A2ML1: variants seen among roughly 807,000 people sequenced by gnomAD.
A2ML1 encodes alpha-2-macroglobulin-like protein 1.
A2ML1 carries 161 observed loss-of-function variants against 181.9 expected under a neutral mutation model. The ratio of observed to expected loss-of-function variants is 0.89; its 90% confidence interval spans 0.78 to 1.01. The LOEUF (loss-of-function observed/expected upper bound fraction) is 1.01. Ranked by LOEUF, A2ML1 falls within the 50% of genes least tolerant of loss-of-function variation. The pLI, the probability that A2ML1 is intolerant of heterozygous loss-of-function variation, is 0.00. For synonymous variants in A2ML1, 663 were observed against 666.8 expected, an observed-to-expected ratio of 0.99 and a Z score of 0.09; for missense variants, 1,670 against 1,768.1, an observed-to-expected ratio of 0.94 and a Z score of 1.00.
Position 8,867,855 on chromosome 12 carries a change from C to G in A2ML1, c.3731C>G (p.Ala1244Gly). The G allele has an allele frequency of 6.2e-7, 1 of 1,614,182 alleles. No individual in the cohort carries two copies. The highest frequency in any genetic ancestry group is 8.5e-7 in the Non-Finnish European group (1 of 1,179,998). The change falls in exon 30 of 36, where the codon GCT becomes GGT. Residue 1244 changes from alanine to glycine, a missense_variant. Transcript: ENST00000299698. Reference sequence around the variant, plus strand: ...TGTTTCCCTCAGGATACTGTAGTTGCTCTCCAAGCTCTTGCCAAATATGCC... The same window carrying G: ...TGTTTCCCTCAGGATACTGTAGTTGGTCTCCAAGCTCTTGCCAAATATGCC... ...GFSSTQDTVV[A>G]LQALAKYATT...
chr12:8,880,458 G>A (rs1944860195), downstream of A2ML1: 1 of 152,100 alleles, frequency 6.6e-6, no homozygotes, highest in African/African-American at 2.4e-5. Flanking sequence ...GCGGGGTGGG[G>A]GCGTGGGTAG....
chr12:8,868,711 T>G, intron 32 of A2ML1, 84 bp downstream of exon 32: 1 of 1,020,464 alleles, frequency 9.8e-7, no homozygotes, highest in Non-Finnish European at 1.4e-6. Context: ...ATGGGCATCA[T>G]GGCGTGTATA....
Position 8,842,420 on chromosome 12 carries a change from T to C in A2ML1, c.1249-714T>C, listed in dbSNP as rs183750786. On this transcript the variant is annotated intron_variant, in intron 11 of 35. Transcript: ENST00000299698. ...TTTTTTAGTAGAGATGGGGTTTCACTGTGTTAGCCAGGATGGTCTCGATCT... is the reference window on the plus strand; with the variant it reads ...TTTTTTAGTAGAGATGGGGTTTCACCGTGTTAGCCAGGATGGTCTCGATCT... Among the ~76,000 whole-genome samples, 908 of 152,030 alleles carry C rather than the reference T, an allele frequency of 6.0e-3. 4 individuals carry two copies. Among genetic ancestry groups the C allele is most frequent in the Non-Finnish European group, 8.3e-3 (566 of 67,958 alleles).
chr12:8,884,345 G>T (rs1335892615), intron 7 of A2ML1, among the ~76,000 whole-genome samples: 2 of 150,060 alleles, frequency 1.3e-5, no homozygotes, highest in African/African-American at 2.5e-5. Flanking sequence ...GCGGGGGTTG[G>T]TTGTACAGAT....
downstream of A2ML1, among the ~76,000 whole-genome samples, chr12:8,877,741 G>A (rs1025553109): frequency 1.1e-4 from 16 of 152,222 alleles, no homozygotes; most frequent in African/African-American, 3.9e-4. Flanking sequence ...TGGTGGGAAG[G>A]TAAATTAGTT....
rs755582489 is a variant in A2ML1, at chr12:8,868,050, A to T, written c.3926A>T (p.Tyr1309Phe). Residue 1309 changes from tyrosine to phenylalanine, a missense_variant, in exon 30 of 36, where the codon TAT becomes TTT. Physicochemically the swap from Tyr to Phe is conservative, Grantham distance 22. Transcript: ENST00000299698. ...TLEASGQGCV[Y>F]VQTVLRYNIL... ...GAGGCCTCAGGCCAGGGCTGTGTCT[A>T]TGTGCAGGTAAGTAGAGATCCATGA... 3 of 1,613,920 alleles carry T rather than the reference A, an allele frequency of 1.9e-6. No individual in the cohort carries two copies. In the South Asian group the frequency reaches 3.3e-5, roughly 18 times the overall value.
chr12:8,859,255 A>G (rs1043297776), intron 26 of A2ML1, among the ~76,000 whole-genome samples: 3 of 152,040 alleles, frequency 2.0e-5, no homozygotes, highest in African/African-American at 7.3e-5. Flanking sequence ...GATCACTTAC[A>G]TTGCTATTCC....
intron 33 of A2ML1, among the ~76,000 whole-genome samples, chr12:8,874,128 G>C (rs1319548551): frequency 6.6e-6 from 1 of 152,064 alleles, no homozygotes; most frequent in Non-Finnish European, 1.5e-5. Context: ...CGATTCTTCT[G>C]CCTCAGCCTC....
chr12:8,854,805 C>G lies in A2ML1; in HGVS notation c.2738C>G (p.Thr913Arg), dbSNP rs768169552. ...VKPEGVLVEK[T>R]HSSLLCPKGK... Reference sequence around the variant, plus strand: ...CCTGAGGGAGTCCTGGTGGAGAAGACACACAGCTCATTGCTGTGCCCAAAA... The same window carrying G: ...CCTGAGGGAGTCCTGGTGGAGAAGAGACACAGCTCATTGCTGTGCCCAAAA... The change falls in exon 22 of 36, where the codon ACA becomes AGA. Residue 913 changes from threonine (T) to arginine (R), a missense_variant. Thr to Arg is a moderately conservative substitution (Grantham distance 71, BLOSUM62 -1). Transcript: ENST00000299698. 1 of 1,613,988 alleles carries G rather than the reference C, an allele frequency of 6.2e-7. No individual in the cohort carries two copies. The highest frequency in any genetic ancestry group is 8.5e-7 in the Non-Finnish European group (1 of 1,180,000).
intron 3 of A2ML1, among the ~76,000 whole-genome samples, chr12:8,828,272 A>AC (rs1282923158): frequency 6.6e-6 from 1 of 152,130 alleles, no homozygotes; most frequent in East Asian, 1.9e-4. Context: ...TTAGGAATCT[A>AC]CCTGGTGTTC....
downstream of A2ML1, among the ~76,000 whole-genome samples, chr12:8,881,512 G>C (rs1034012738): frequency 1.3e-5 from 2 of 152,178 alleles, no homozygotes; most frequent in Non-Finnish European, 2.9e-5. Flanking sequence ...TATGGGAGAG[G>C]GGGAGAGAGA....
chr12:8,842,286 C>G (rs367568439), intron 11 of A2ML1, among the ~76,000 whole-genome samples: 1 of 150,972 alleles, frequency 6.6e-6, no homozygotes, highest in South Asian at 2.1e-4. Flanking sequence ...GGCGTGATCT[C>G]GGCTCACTGC....
chr12:8,846,206 T>A lies in A2ML1; in HGVS notation c.1667T>A (p.Met556Lys). The A allele has an allele frequency of 1.9e-6, 3 of 1,614,168 alleles. No individual in the cohort carries two copies. Among genetic ancestry groups the A allele is most frequent in the Non-Finnish European group, 2.5e-6 (3 of 1,180,006 alleles). The part of the protein sequence containing the change: ...VADKIQFSVE[M>K]CFDNQVSLGF... ...GACAAAATTCAGTTCTCAGTCGAGA[T>A]GTGCTTTGACAATCAGGTAAAATGA... is the stretch of plus-strand genomic sequence containing the variant. Residue 556 changes from methionine (M) to lysine (K), a missense_variant, in exon 14 of 36, where the codon ATG (methionine) becomes AAG (lysine). Coordinates refer to ENST00000299698, the MANE Select transcript of A2ML1 (RefSeq NM_144670.6).
At chr12:8,826,358 T>TATTTATAGCTTTTGTAAATGGAATTTACA (rs1246298826) in intron 3 of A2ML1, among the ~76,000 whole-genome samples, 1 of 152,172 alleles carries the variant, frequency 6.6e-6, no homozygotes, top group Admixed American at 6.5e-5. Flanking sequence ...TTCCTAGGTA[T>TATTTATAGCTTTTGTAAATGGAATTTACA]TTTATATTAT....
In A2ML1 at chr12:8,855,391, G is replaced by A. The variant is rs1398919355; in HGVS notation, c.2765-118G>A. Reference sequence around the variant, plus strand: ...AGTACCCAGTGCTTTCTGCATCCCAGAGAAAGCACCGAGTACAGAAATCCC... The same window carrying A: ...AGTACCCAGTGCTTTCTGCATCCCAAAGAAAGCACCGAGTACAGAAATCCC... On this transcript the variant is annotated intron_variant, in intron 22 of 35. Coordinates refer to ENST00000299698, the MANE Select transcript of A2ML1 (RefSeq NM_144670.6). 13 of 865,140 alleles carry A rather than the reference G, an allele frequency of 1.5e-5. 1 individual carries two copies. The East Asian group carries it at 3.2e-4, about 21-fold the overall frequency. The allele number at this position is 865,140 out of a possible 1,614,324, so 53.6% of individuals were successfully genotyped here. A position where few individuals can be genotyped will look rare whatever the true frequency, so the allele number is the denominator to read the frequency against.
intron 5 of A2ML1, chr12:8,834,901 C>T: frequency 1.7e-6 from 1 of 584,250 alleles, no homozygotes; most frequent in Non-Finnish European, 3.0e-6. Flanking sequence ...AGGACACCAG[C>T]CTCTGTAATG....
intron 20 of A2ML1, among the ~76,000 whole-genome samples, chr12:8,853,625 G>C (rs1004824616): frequency 1.3e-5 from 2 of 152,120 alleles, no homozygotes; most frequent in Non-Finnish European, 2.9e-5. Context: ...CAGGCTGCTA[G>C]ACTGAAGGAC....
intron 28 of A2ML1, among the ~76,000 whole-genome samples, chr12:8,863,329 C>T (rs1480689221): frequency 6.6e-6 from 1 of 152,060 alleles, no homozygotes; most frequent in East Asian, 1.9e-4. Context: ...TGGTCTCAAA[C>T]TCCCGACCTC....
Position 8,843,175 on chromosome 12 carries a change from A to G in A2ML1, c.1290A>G (p.Gln430=). The part of the protein sequence containing the change: ...QMEDLVYNPE[Q]VPRYYQNAYL... ...AAGACTTAGTATATAATCCGGAACA[A>G]GTGCCACGTTACTACCAAAATGCCT... Residue 430 remains glutamine (Q), a synonymous_variant, in exon 12 of 36, where the codon CAA becomes CAG. Coordinates refer to ENST00000299698, the MANE Select transcript of A2ML1 (RefSeq NM_144670.6). The G allele has an allele frequency of 6.2e-7, 1 of 1,614,222 alleles. No homozygotes were observed.
Sources: allele counts gnomAD v4.1 joint callset (sites outside exome capture counted in the v4.1 genomes callset), GRCh38; gene constraint gnomAD v4.1.1; transcripts MANE v1.5; gene names NCBI Gene and HGNC (gene_info 2026-07-23, HGNC 2026-07-21).